Variants in CBLB observed in about 807,000 individuals in gnomAD.
The protein encoded by CBLB is E3 ubiquitin-protein ligase CBL-B.
Under a neutral mutation model 104.9 loss-of-function variants are expected in CBLB, and 31 were observed. The ratio of observed to expected loss-of-function variants is 0.30; its 90% CI spans 0.22 to 0.40. The LOEUF is 0.40. Ranked by LOEUF, CBLB falls within the 10% of genes least tolerant of loss-of-function variation. The pLI, the probability that CBLB is intolerant of heterozygous loss-of-function variation, is 1.00. For synonymous variants in CBLB, 440 were observed against 422.6 expected, an observed-to-expected ratio of 1.04 and a Z score of -0.51; for missense variants, 1,062 against 1,214.6, an observed-to-expected ratio of 0.87 and a Z score of 1.87.
chr3:105,691,403 A>T (rs1196288621), intron 13 of CBLB, among the ~76,000 whole-genome samples: 1 of 152,238 alleles, frequency 6.6e-6, no homozygotes, highest in African/African-American at 2.4e-5. Flanking sequence ...TTACCAACTG[A>T]AGTATTAGAA....
At chr3:105,742,199 A>G (rs2075670366) in intron 6 of CBLB, among the ~76,000 whole-genome samples, 1 of 152,246 alleles carries the variant, frequency 6.6e-6, no homozygotes, top group African/African-American at 2.4e-5. Flanking sequence ...TCTGTTGGCT[A>G]TATTTTAATA....
At chr3:105,766,505 T>C (rs1220856360) in intron 4 of CBLB, among the ~76,000 whole-genome samples, 1 of 152,182 alleles carries the variant, frequency 6.6e-6, no homozygotes, top group Non-Finnish European at 1.5e-5. Context: ...TTTTAAGAAA[T>C]TGCCACAGCC....
chr3:105,866,029 C>A (rs147047926), intron 2 of CBLB, among the ~76,000 whole-genome samples: 1 of 152,174 alleles, frequency 6.6e-6, no homozygotes, highest in East Asian at 1.9e-4. Flanking sequence ...AAAACTGAAC[C>A]CCAAGCAGCA....
intron 13 of CBLB, among the ~76,000 whole-genome samples, chr3:105,685,970 C>T (rs1444093191): frequency 2.6e-5 from 4 of 152,060 alleles, no homozygotes; most frequent in Non-Finnish European, 5.9e-5. Flanking sequence ...ACTTAACTAT[C>T]CTGTGAAATT....
chr3:105,779,816 G>A (rs938623796), intron 3 of CBLB, among the ~76,000 whole-genome samples: 39 of 151,920 alleles, frequency 2.6e-4, no homozygotes, highest in African/African-American at 8.5e-4. Flanking sequence ...TATGTAGTAT[G>A]TGCTTTCTTT....
intron 3 of CBLB, among the ~76,000 whole-genome samples, chr3:105,790,649 G>A (rs2081524969): frequency 6.6e-6 from 1 of 152,138 alleles, no homozygotes; most frequent in African/African-American, 2.4e-5. Context: ...CACTCTAACT[G>A]TACAACTAAG....
At chr3:105,817,501 G>A (rs1323772224) in intron 3 of CBLB, among the ~76,000 whole-genome samples, 1 of 152,150 alleles carries the variant, frequency 6.6e-6, no homozygotes, top group Non-Finnish European at 1.5e-5. Context: ...CCCTACAAGA[G>A]GAATGCACAT....
chr3:105,698,457 T>A (rs1197901996), intron 12 of CBLB, among the ~76,000 whole-genome samples: 1 of 152,066 alleles, frequency 6.6e-6, no homozygotes, highest in Non-Finnish European at 1.5e-5. Context: ...TAAATTCCCT[T>A]GTGTTCCACA....
Position 105,853,012 on chromosome 3 carries a change from C to T in CBLB, c.419+402G>A, listed in dbSNP as rs182311029. ...GATTACAGGCATGACCCACCACGCC[C>T]GGCCTTTTATACAGTATTTTTACCA... On this transcript the variant is annotated intron_variant, in intron 3 of 18. Transcript: ENST00000394030. Among the ~76,000 whole-genome samples, 9 of 152,234 alleles carry T rather than the reference C, an allele frequency of 5.9e-5. No individual in the cohort carries two copies. In the East Asian group the frequency reaches 1.2e-3, roughly 20 times the overall value.
At chr3:105,741,954 A>G (rs941643187) in intron 6 of CBLB, among the ~76,000 whole-genome samples, 1 of 152,252 alleles carries the variant, frequency 6.6e-6, no homozygotes, top group Non-Finnish European at 1.5e-5. Flanking sequence ...GGAAGTTAAG[A>G]TAGTTCAAAA....
At chr3:105,701,763 C>CAAAAAA (rs60481562) in intron 12 of CBLB, among the ~76,000 whole-genome samples, 37 of 138,796 alleles carry the variant, frequency 2.7e-4, no homozygotes, top group African/African-American at 1.0e-3. Flanking sequence ...GGCTTCGTCT[C>CAAAAAA]AAAAAAAAAA....
chr3:105,835,407 A>T (rs1337235632), intron 3 of CBLB, among the ~76,000 whole-genome samples: 1 of 152,204 alleles, frequency 6.6e-6, no homozygotes, highest in Non-Finnish European at 1.5e-5. Context: ...AATGAACACC[A>T]GTTTAGTAGG....
At chr3:105,755,323 G>A (rs1251207300) in intron 4 of CBLB, among the ~76,000 whole-genome samples, 2 of 152,092 alleles carry the variant, frequency 1.3e-5, no homozygotes, top group African/African-American at 2.4e-5. Flanking sequence ...ATCAGATGCA[G>A]GGAAATAAAT....
At chr3:105,703,692 T>C (rs7646445) in intron 11 of CBLB, among the ~76,000 whole-genome samples, 38,371 of 152,040 alleles carry the variant, frequency 0.25, 5,065 homozygotes, top group Non-Finnish European at 0.28. Flanking sequence ...CAAATTATTT[T>C]AATGCATATA....
chr3:105,745,661 T>C (rs2076031789), intron 6 of CBLB, among the ~76,000 whole-genome samples: 1 of 152,222 alleles, frequency 6.6e-6, no homozygotes, highest in Non-Finnish European at 1.5e-5. Context: ...ACATTCAATT[T>C]TGCACATAAA....
Position 105,789,340 on chromosome 3 carries a change from C to A in CBLB, c.420-12798G>T, listed in dbSNP as rs61452551. 6.4e-3 allele frequency among the ~76,000 whole-genome samples: 974 copies of A among 152,042 alleles called. 12 individuals carry two copies. The highest frequency in any genetic ancestry group is 0.023 in the African/African-American group (934 of 41,466). ...AAACATCTTATTTAAGAATTTTATT[C>A]TTGTTAAACAAAGTAGTTTTTACAT... On this transcript the variant is annotated intron_variant, in intron 3 of 18. Coordinates refer to ENST00000394030, the MANE Select transcript of CBLB (RefSeq NM_170662.5).
chr3:105,735,636 G>A (rs2074836537), intron 8 of CBLB, among the ~76,000 whole-genome samples: 1 of 152,012 alleles, frequency 6.6e-6, no homozygotes. Context: ...TTTTAAAATG[G>A]CAATCATATA....
chr3:105,665,236 A>C (rs1008993889), intron 18 of CBLB, among the ~76,000 whole-genome samples: 2 of 151,560 alleles, frequency 1.3e-5, no homozygotes, highest in African/African-American at 2.4e-5. Flanking sequence ...AACCCTGTCT[A>C]TACTAAAAAT....
intron 3 of CBLB, among the ~76,000 whole-genome samples, chr3:105,842,409 A>G (rs958976875): frequency 2.6e-5 from 4 of 152,214 alleles, no homozygotes; most frequent in Admixed American, 2.6e-4. Context: ...GTTTAAATGA[A>G]GAGTGTCTGT....
Sources: allele counts gnomAD v4.1 joint callset (sites outside exome capture counted in the v4.1 genomes callset), GRCh38; gene constraint gnomAD v4.1.1; transcripts MANE v1.5; gene names NCBI Gene and HGNC (gene_info 2026-07-23, HGNC 2026-07-21).